The following STX8 variants were observed in gnomAD, a reference collection of about 807,000 sequenced individuals.
The protein encoded by STX8 is syntaxin-8.
Under a neutral mutation model 37.5 loss-of-function variants are expected in STX8, and 23 were observed. The ratio of observed to expected loss-of-function variants is 0.61; its 90% CI spans 0.44 to 0.87. The LOEUF (loss-of-function observed/expected upper bound fraction) is 0.87. STX8 is among the 40% of genes least tolerant of loss of function. STX8 has a pLI of 0.00. For synonymous variants in STX8, 115 were observed against 99.1 expected (o/e 1.16, Z -0.95); for missense variants, 313 against 284.7 (o/e 1.10, Z -0.71).
intron 3 of STX8, among the ~76,000 whole-genome samples, chr17:9,556,090 T>G (rs1965645511): frequency 6.6e-6 from 1 of 152,208 alleles, no homozygotes; most frequent in African/African-American, 2.4e-5. Flanking sequence ...AATTAAACTT[T>G]TATTTGAAAC....
intron 7 of STX8, among the ~76,000 whole-genome samples, chr17:9,301,323 T>G (rs183113284): frequency 1.1e-4 from 17 of 152,300 alleles, no homozygotes; most frequent in Admixed American, 4.6e-4. Context: ...AAATGCCTTT[T>G]TAGTATCTAC....
At chr17:9,322,992 G>A (rs989447325) in intron 7 of STX8, among the ~76,000 whole-genome samples, 6 of 151,308 alleles carry the variant, frequency 4.0e-5, no homozygotes, top group Non-Finnish European at 7.4e-5. Flanking sequence ...ATACATATCC[G>A]ATTTTTTCAG....
intron 2 of STX8, among the ~76,000 whole-genome samples, chr17:9,557,842 A>AC (rs1737546705): frequency 6.6e-6 from 1 of 152,076 alleles, no homozygotes; most frequent in African/African-American, 2.4e-5. Flanking sequence ...CTGAGCTTCT[A>AC]CCCCATTGAT....
At chr17:9,339,266 C>T (rs1035015784) in intron 7 of STX8, among the ~76,000 whole-genome samples, 109 of 152,222 alleles carry the variant, frequency 7.2e-4, no homozygotes, top group African/African-American at 2.5e-3. Context: ...ATTCCTCTCT[C>T]TACTCATTCT....
At chr17:9,391,141 A>G (rs771735007) in intron 6 of STX8, among the ~76,000 whole-genome samples, 11 of 152,090 alleles carry the variant, frequency 7.2e-5, no homozygotes, top group Non-Finnish European at 1.5e-4. Flanking sequence ...GCATTACGAG[A>G]CACCCTCACC....
At chr17:9,502,622 C>A (rs1177282893) in intron 5 of STX8, among the ~76,000 whole-genome samples, 2 of 152,102 alleles carry the variant, frequency 1.3e-5, no homozygotes, top group Non-Finnish European at 1.5e-5. Flanking sequence ...CTCACTCATT[C>A]CACTTGTAGG....
chr17:9,420,850 T>A (rs1175631926), intron 6 of STX8, among the ~76,000 whole-genome samples: 1 of 152,188 alleles, frequency 6.6e-6, no homozygotes. Flanking sequence ...GAAGAGAGTC[T>A]CTCAACTTAG....
intron 7 of STX8, among the ~76,000 whole-genome samples, chr17:9,331,157 G>A (rs944266800): frequency 1.3e-5 from 2 of 152,116 alleles, no homozygotes; most frequent in African/African-American, 4.8e-5. Flanking sequence ...TCTTTAACTG[G>A]TTTAGTCTCA....
At chr17:9,395,710 C>T (rs1597645343) in intron 6 of STX8, among the ~76,000 whole-genome samples, 2 of 152,172 alleles carry the variant, frequency 1.3e-5, no homozygotes, top group African/African-American at 2.4e-5. Context: ...CAGGCTTTGG[C>T]CTTCTCTTGG....
chr17:9,348,759 A>C (rs1910610429), intron 7 of STX8, among the ~76,000 whole-genome samples: 1 of 152,186 alleles, frequency 6.6e-6, no homozygotes, highest in Non-Finnish European at 1.5e-5. Context: ...GTAAGGACTC[A>C]AGTTCACGAA....
At chr17:9,331,550 G>A (rs1013481296) in intron 7 of STX8, among the ~76,000 whole-genome samples, 9 of 152,186 alleles carry the variant, frequency 5.9e-5, no homozygotes, top group African/African-American at 1.2e-4. Context: ...GACCGAGGCC[G>A]GGTGTCCTGC....
chr17:9,378,212 A>C, intron 7 of STX8: 2 of 197,918 alleles, frequency 1.0e-5, no homozygotes, highest in South Asian at 1.9e-4. Flanking sequence ...TGGTTATTTT[A>C]AGACGGCACA....
chr17:9,310,391 A>G (rs1909151363), intron 7 of STX8, among the ~76,000 whole-genome samples: 5 of 152,194 alleles, frequency 3.3e-5, no homozygotes, highest in African/African-American at 9.7e-5. Flanking sequence ...AGCCTTTTTG[A>G]TAGAATAAAA....
chr17:9,313,656 C>T (rs532135821), intron 7 of STX8, among the ~76,000 whole-genome samples: 120 of 152,314 alleles, frequency 7.9e-4, no homozygotes, highest in Non-Finnish European at 1.4e-3. Flanking sequence ...GACGGAGTCT[C>T]GCTTCTGTCG....
chr17:9,342,230 C>G (rs1415395058), intron 7 of STX8, among the ~76,000 whole-genome samples: 1 of 152,086 alleles, frequency 6.6e-6, no homozygotes, highest in Non-Finnish European at 1.5e-5. Context: ...GGTGGTAATG[C>G]TCGCTCAACC....
At chr17:9,306,522 G>A (rs558515822) in intron 7 of STX8, among the ~76,000 whole-genome samples, 217 of 151,616 alleles carry the variant, frequency 1.4e-3, no homozygotes, top group Non-Finnish European at 2.4e-3. Flanking sequence ...GACTGAGGTG[G>A]GTGGATCAAC....
At chr17:9,492,248 C>A (rs189393395) in intron 5 of STX8, among the ~76,000 whole-genome samples, 1 of 152,116 alleles carries the variant, frequency 6.6e-6, no homozygotes, top group East Asian at 1.9e-4. Context: ...TTTTTTAAAT[C>A]AGCAGAGGAT....
At chr17:9,518,099 T>C (rs982163566) in intron 4 of STX8, among the ~76,000 whole-genome samples, 1 of 151,350 alleles carries the variant, frequency 6.6e-6, no homozygotes. Context: ...CTAGTTCTTC[T>C]CCATCCTATA....
At chr17:9,256,975 T>C (rs951923604) in intron 7 of STX8, among the ~76,000 whole-genome samples, 1 of 152,216 alleles carries the variant, frequency 6.6e-6, no homozygotes, top group African/African-American at 2.4e-5. Context: ...CAATGAATGC[T>C]CTCTGCCCCC....
Sources: allele counts gnomAD v4.1 joint callset (sites outside exome capture counted in the v4.1 genomes callset), GRCh38; gene constraint gnomAD v4.1.1; transcripts MANE v1.5; gene names NCBI Gene and HGNC (gene_info 2026-07-23, HGNC 2026-07-21).